SPOP: variants seen among roughly 807,000 people sequenced by gnomAD.
SPOP encodes the protein speckle-type POZ protein.
Under a neutral mutation model 45.6 loss-of-function variants are expected in SPOP, and 11 were observed. That is an observed-to-expected ratio of 0.24 (90% CI 0.15 to 0.40). The LOEUF is 0.40. Ranked by LOEUF, SPOP falls within the 10% of genes least tolerant of loss-of-function variation. SPOP has a pLI of 1.00. For missense variants in SPOP, 152 were observed against 465.6 expected (o/e 0.33, Z 6.20); for synonymous variants, 166 against 166.3 (o/e 1.00, Z 0.01).
At chr17:49,638,948 A>G (rs2008954) in intron 1 of SPOP, among the ~76,000 whole-genome samples, 97,469 of 152,016 alleles carry the variant, frequency 0.64, 31,793 homozygotes, top group East Asian at 0.79. Context: ...GGGAGGTGGC[A>G]GTTGTAGTGA....
At chr17:49,613,126 C>G (rs1319317111) in intron 5 of SPOP, among the ~76,000 whole-genome samples, 1 of 152,086 alleles carries the variant, frequency 6.6e-6, no homozygotes, top group Non-Finnish European at 1.5e-5. Context: ...CAGTACAAAC[C>G]ATCCCATAGA....
chr17:49,616,255 T>C (rs1185550029), intron 5 of SPOP, among the ~76,000 whole-genome samples: 1 of 152,180 alleles, frequency 6.6e-6, no homozygotes, highest in Non-Finnish European at 1.5e-5. Context: ...CTTCTCGGTC[T>C]TCCACCATAG....
intron 1 of SPOP, among the ~76,000 whole-genome samples, chr17:49,672,454 A>G (rs1190976853): frequency 6.6e-6 from 1 of 152,250 alleles, no homozygotes; most frequent in Admixed American, 6.5e-5. Flanking sequence ...ATAGTGGGAC[A>G]TTATGACATT....
At chr17:49,672,684 C>T (rs1387874958) in intron 1 of SPOP, among the ~76,000 whole-genome samples, 6 of 152,146 alleles carry the variant, frequency 3.9e-5, no homozygotes, top group African/African-American at 1.2e-4. Context: ...TGGTGGCTCA[C>T]GCTTGTAATC....
chr17:49,636,550 A>G (rs62079292), intron 1 of SPOP, among the ~76,000 whole-genome samples: 1,917 of 152,308 alleles, frequency 0.013, 20 homozygotes, highest in Non-Finnish European at 0.017. Context: ...TAACACTGTA[A>G]TAATTCTTAT....
intron 1 of SPOP, among the ~76,000 whole-genome samples, chr17:49,666,448 GACACACACACAC>G (rs36210011): frequency 3.5e-3 from 502 of 142,114 alleles, no homozygotes; most frequent in Middle Eastern, 7.0e-3. Context: ...CATGAAGACA[GACACACACACAC>G]ACACACACAC....
At chr17:49,604,252 C>A (rs1434824715) in intron 8 of SPOP, among the ~76,000 whole-genome samples, 1 of 152,182 alleles carries the variant, frequency 6.6e-6, no homozygotes, top group Non-Finnish European at 1.5e-5. Flanking sequence ...CCATTAAAAG[C>A]AAGTTTCCCC....
At chr17:49,611,884 C>CA (rs1414376069) in intron 5 of SPOP, among the ~76,000 whole-genome samples, 1 of 85,210 alleles carries the variant, frequency 1.2e-5, no homozygotes, top group African/African-American at 6.5e-5. Flanking sequence ...AGAATCTGAT[C>CA]ACTTTTTTTT....
rs1009786772 is a variant in SPOP at position 49,660,858 on chromosome 17, C to T, written c.-67+17075G>A. Among the ~76,000 whole-genome samples, 8 of 152,020 alleles carry T rather than the reference C, an allele frequency of 5.3e-5. No homozygotes were observed. In the East Asian group the frequency reaches 5.8e-4, roughly 11 times the overall value. Reference sequence around the variant, plus strand: ...GTGGGTGCCTGTAGTCCCAGCTACTCGGGAGGCTGAGGCAGGAGAATGGTG... The same window carrying T: ...GTGGGTGCCTGTAGTCCCAGCTACTTGGGAGGCTGAGGCAGGAGAATGGTG... On this transcript the variant is annotated intron_variant, in intron 1 of 9. Transcript: ENST00000504102.
intron 1 of SPOP, among the ~76,000 whole-genome samples, chr17:49,656,801 C>T (rs999390097): frequency 7.2e-5 from 11 of 152,100 alleles, no homozygotes; most frequent in Admixed American, 7.2e-4. Flanking sequence ...TTCCAAAATT[C>T]TCTTTTATAG....
At chr17:49,635,630 CTCTT>C (rs1378999696) in intron 1 of SPOP, among the ~76,000 whole-genome samples, 1 of 134,772 alleles carries the variant, frequency 7.4e-6, no homozygotes, top group Non-Finnish European at 1.6e-5. Flanking sequence ...TAAGGTATCT[CTCTT>C]TTTTTTTTTT....
chr17:49,677,407 T>C (rs2143603411), intron 1 of SPOP, among the ~76,000 whole-genome samples: 1 of 152,362 alleles, frequency 6.6e-6, no homozygotes, highest in East Asian at 1.9e-4. Flanking sequence ...AGAATAGTGC[T>C]TTGTCCGTTA....
Position 49,638,702 on chromosome 17 carries a change from TC to T in SPOP, c.-66-15827del, listed in dbSNP as rs1294569276. On this transcript the variant is annotated intron_variant, in intron 1 of 9. Coordinates refer to ENST00000504102, the MANE Select transcript of SPOP (RefSeq NM_001007228.2). Reference sequence around the variant, plus strand: ...TTTGGTAAACCAAGTCCAGTTACTATCAGTGATCAAATGAGCCATCACCAAA... The same window carrying T: ...TTTGGTAAACCAAGTCCAGTTACTATAGTGATCAAATGAGCCATCACCAAA... Among the ~76,000 whole-genome samples, 8 of 152,308 alleles carry T rather than the reference TC, an allele frequency of 5.3e-5. No individual in the cohort carries two copies. In the South Asian group the frequency reaches 1.4e-3, roughly 28 times the overall value.
intron 1 of SPOP, among the ~76,000 whole-genome samples, chr17:49,665,699 T>A (rs11868293): frequency 0.17 from 20,722 of 119,274 alleles, 1,935 homozygotes; most frequent in Non-Finnish European, 0.23. Context: ...CACACACCAA[T>A]CTGGCCAGGT....
At chr17:49,624,088 C>T (rs1240610731) in intron 1 of SPOP, among the ~76,000 whole-genome samples, 6 of 152,084 alleles carry the variant, frequency 3.9e-5, no homozygotes, top group Admixed American at 3.9e-4. Context: ...TTCCCTCCAA[C>T]AGCCTTTCTA....
intron 1 of SPOP, chr17:49,667,999 T>G (rs2073085307): frequency 6.6e-6 from 1 of 152,146 alleles, no homozygotes; most frequent in Non-Finnish European, 1.5e-5. Flanking sequence ...ATAGACAAAC[T>G]CTGTATAATT....
intron 1 of SPOP, among the ~76,000 whole-genome samples, chr17:49,623,788 T>C (rs77890784): frequency 0.024 from 3,640 of 152,270 alleles, 167 homozygotes; most frequent in African/African-American, 0.083. Context: ...TTGTGATCAT[T>C]CCTCAGTCTC....
rs752650296 is a variant in SPOP at position 49,678,055 on chromosome 17, TCA to T, written c.-191_-190del. 5.6e-5 allele frequency: 22 copies of T among 395,054 alleles called. No homozygotes were observed. The highest frequency in any genetic ancestry group is 6.7e-5 in the Non-Finnish European group (15 of 224,356). The allele number at this position is 395,054 out of a possible 1,614,324, so 24.5% of individuals were successfully genotyped here. ...ACACACACACTCGGAGCGCGCACAC[TCA>T]CACACACACATACACACCGACACAC... On this transcript the variant is annotated 5_prime_UTR_variant, in exon 1 of 10. It introduces an in-frame stop codon into an upstream open reading frame of the 5' UTR. Coordinates refer to ENST00000504102, the MANE Select transcript of SPOP (RefSeq NM_001007228.2).
At chr17:49,643,742 C>T (rs1209608955) in intron 1 of SPOP, among the ~76,000 whole-genome samples, 1 of 150,830 alleles carries the variant, frequency 6.6e-6, no homozygotes, top group Non-Finnish European at 1.5e-5. Context: ...ACTAGCCTGG[C>T]CAATATGGTG....
Sources: gnomAD v4.1 joint callset for allele counts (sites outside exome capture counted in the v4.1 genomes callset) on GRCh38, gnomAD v4.1.1 for gene constraint, MANE v1.5 for transcripts, NCBI Gene and HGNC (gene_info 2026-07-23, HGNC 2026-07-21) for gene names.